MAPK8IP1: variants seen among roughly 807,000 people sequenced by gnomAD.
MAPK8IP1 encodes mitogen-activated protein kinase 8 interacting protein 1.
A neutral mutation model predicts 72.6 loss-of-function variants in MAPK8IP1; 17 were observed. That is an observed-to-expected ratio of 0.23 (90% CI 0.16 to 0.35). The LOEUF (loss-of-function observed/expected upper bound fraction) is 0.35, where lower values mean the gene tolerates loss of function less well. MAPK8IP1 is among the 10% of genes least tolerant of loss of function. The probability of loss-of-function intolerance (pLI) is 1.00; values close to 1 mark genes in which losing one functional copy is unlikely to be tolerated. For synonymous variants in MAPK8IP1, 401 were observed against 443.4 expected (o/e 0.90, Z 1.20); for missense variants, 789 against 1,009.7 (o/e 0.78, Z 2.96).
chr11:45,900,378 C>G lies in MAPK8IP1; in HGVS notation c.448C>G (p.Pro150Ala). ...CCAGAGCCAAGGCCAGAGCCAGGGCCCGGGCAGCGGGGACACGTACCGGCC... is the reference window on the plus strand; with the variant it reads ...CCAGAGCCAAGGCCAGAGCCAGGGCGCGGGCAGCGGGGACACGTACCGGCC... ...QGQSQGQSQG[P>A]GSGDTYRPKR... Residue 150 changes from proline to alanine, a missense_variant, in exon 3 of 12, where the codon CCG becomes GCG. Physicochemically the swap from Pro to Ala is conservative, Grantham distance 27 (BLOSUM62 -1). Coordinates refer to ENST00000241014, the MANE Select transcript of MAPK8IP1 (RefSeq NM_005456.4). This position sits in a 1 kb window ranked among gnomAD's most constrained non-coding sequence, Gnocchi z 6.5. 6.6e-7 allele frequency: 1 copy of G among 1,524,706 alleles called. No homozygotes were observed. Among genetic ancestry groups the G allele is most frequent in the Non-Finnish European group, 8.8e-7 (1 of 1,142,630 alleles). The allele number at this position is 1,524,706 out of a possible 1,614,324, so 94.4% of individuals were successfully genotyped here.
At position 45,902,006 on chromosome 11, in the gene MAPK8IP1, C is replaced by A. The variant is rs1049289432; in HGVS notation, c.549C>A (p.Gly183=). The A allele has an allele frequency of 4.3e-6, 7 of 1,613,966 alleles. No individual in the cohort carries two copies. Among genetic ancestry groups the A allele is most frequent in the African/African-American group, 1.3e-5 (1 of 74,898 alleles). Residue 183 remains glycine (G), a synonymous_variant, in exon 4 of 12, where the codon GGC becomes GGA. Transcript: ENST00000241014. The surrounding 1 kb of genome is among the most constrained non-coding windows in gnomAD (Gnocchi z 9.3). ...SQDTLNNNSL[G]KKHSWQDRVS... Reference sequence around the variant, plus strand: ...ACACACTGAATAATAATTCTCTGGGCAAAAAGCACAGTTGGCAGGATCGGG... The same window carrying A: ...ACACACTGAATAATAATTCTCTGGGAAAAAAGCACAGTTGGCAGGATCGGG...
intron 1 of MAPK8IP1, among the ~76,000 whole-genome samples, chr11:45,897,345 G>T (rs978951224): frequency 3.3e-5 from 5 of 152,122 alleles, no homozygotes; most frequent in Admixed American, 3.3e-4. Flanking sequence ...TAGTGGAGCT[G>T]GTTAGTATTC....
rs1305593129 is a variant in MAPK8IP1 at position 45,902,488 on chromosome 11, A to C, written c.721A>C (p.Thr241Pro). Residue 241 changes from threonine (T) to proline (P), a missense_variant, in exon 5 of 12, where the codon ACA becomes CCA. By Grantham distance (38) the Thr-to-Pro change is conservative. This residue lies in a region of MAPK8IP1 where 377 missense variants were observed against 411.7 expected (regional missense o/e 0.92). Transcript: ENST00000241014. This position sits in a 1 kb window ranked among gnomAD's most constrained non-coding sequence, Gnocchi z 9.3. ...TSTDSPCRRS[T>P]ATQMAPPGGP... ...CACCGACAGCCCTTGCCGCCGCAGC[A>C]CAGCCACCCAGATGGCACCTCCGGG... 3.1e-6 allele frequency: 5 copies of C among 1,606,408 alleles called. No individual in the cohort carries two copies. Among genetic ancestry groups the C allele is most frequent in the Non-Finnish European group, 3.4e-6 (4 of 1,177,356 alleles).
Position 45,898,200 on chromosome 11 carries a change from A to G in MAPK8IP1, c.207+10A>G. On this transcript the variant is annotated intron_variant, in intron 2 of 11. Transcript: ENST00000241014. ...CACCCTGTCCTTACGGGTAAGGGCA[A>G]GCTCCCAGGAGCTCCTGAGTGGGGT... 1 of 1,576,852 alleles carries G rather than the reference A, an allele frequency of 6.3e-7. No homozygotes were observed. Among genetic ancestry groups the G allele is most frequent in the Non-Finnish European group, 8.7e-7 (1 of 1,147,444 alleles).
intron 1 of MAPK8IP1, among the ~76,000 whole-genome samples, chr11:45,888,996 A>G (rs1294555022): frequency 6.6e-6 from 1 of 152,190 alleles, no homozygotes; most frequent in Non-Finnish European, 1.5e-5. Flanking sequence ...CACCACGCCC[A>G]GTGTCATACT....
intron 3 of MAPK8IP1, 109 bp from the exon 4 acceptor site, chr11:45,901,871 G>A (rs2086655566): frequency 8.4e-6 from 7 of 836,922 alleles, no homozygotes; most frequent in Admixed American, 3.4e-5. Context: ...GAGGCGGGGT[G>A]GACACAGCAA....
chr11:45,900,355 A>C lies in MAPK8IP1; in HGVS notation c.425A>C (p.Gln142Pro). 6.7e-7 allele frequency: 1 copy of C among 1,501,878 alleles called. No individual in the cohort carries two copies. The allele number at this position is 1,501,878 out of a possible 1,614,324, so 93.0% of individuals were successfully genotyped here. ...GQEPASRGQG[Q>P]SQGQSQGPGS... is the part of the protein sequence containing the mutation. The stretch of plus-strand genomic sequence containing the variant: ...GAGCCGGCGTCCCGCGGCCAGGGCC[A>C]GAGCCAAGGCCAGAGCCAGGGCCCG... The change falls in exon 3 of 12, where the codon CAG (glutamine) becomes CCG (proline). Residue 142 changes from glutamine to proline, a missense_variant. Transcript: ENST00000241014. This position sits in a 1 kb window ranked among gnomAD's most constrained non-coding sequence, Gnocchi z 6.5.
At position 45,903,096 on chromosome 11, in the gene MAPK8IP1, C is replaced by G. The variant is rs2086670243; in HGVS notation, c.1329C>G (p.Leu443=). 1.2e-6 allele frequency: 2 copies of G among 1,611,392 alleles called. No individual in the cohort carries two copies. The highest frequency in any genetic ancestry group is 1.3e-5 in the African/African-American group (1 of 74,880). Residue 443 remains leucine (L), a synonymous_variant, in exon 5 of 12, where the codon CTC becomes CTG. Transcript: ENST00000241014. This position sits in a 1 kb window ranked among gnomAD's most constrained non-coding sequence, Gnocchi z 6.4. ...CGCGGCCCCAGCCCCCTGCCTGCCTCTCCGAGGACTCCACGCCTGATGAAC... is the reference window on the plus strand; with the variant it reads ...CGCGGCCCCAGCCCCCTGCCTGCCTGTCCGAGGACTCCACGCCTGATGAAC... ...EAPRPQPPAC[L]SEDSTPDEPD...
chr11:45,905,665 T>C lies in MAPK8IP1; in HGVS notation c.2080T>C (p.Phe694Leu), dbSNP rs1292481792. ...GGCTTCTAGGAGAGCATTCCAGCAG[T>C]TCTACAAGCAGTTTGTGGAGTACAC... ...AESVGRAFQQFYKQFVEYTCP... is the reference protein window; with the variant it reads ...AESVGRAFQQLYKQFVEYTCP... The change falls in exon 12 of 12, where the codon TTC becomes CTC. Residue 694 changes from phenylalanine (F) to leucine (L), a missense_variant. By Grantham distance (22) the Phe-to-Leu change is conservative. Around this residue, in one of 4 missense-constraint regions of MAPK8IP1, gnomAD observed 188 missense variants for 293.3 expected, o/e 0.64. Coordinates refer to ENST00000241014, the MANE Select transcript of MAPK8IP1 (RefSeq NM_005456.4). 6.2e-7 allele frequency: 1 copy of C among 1,613,902 alleles called. No homozygotes were observed. The highest frequency in any genetic ancestry group is 1.7e-5 in the Admixed American group (1 of 60,026).
Position 45,905,953 on chromosome 11 carries a change from G to A in MAPK8IP1, c.*232G>A. 5.0e-6 allele frequency: 3 copies of A among 595,818 alleles called. No individual in the cohort carries two copies. The highest frequency in any genetic ancestry group is 9.0e-6 in the Non-Finnish European group (3 of 332,208). 36.9% of individuals were successfully genotyped at this position (595,818 alleles called of 1,614,324 possible). On this transcript the variant is annotated 3_prime_UTR_variant, in exon 12 of 12. Coordinates refer to ENST00000241014, the MANE Select transcript of MAPK8IP1 (RefSeq NM_005456.4). ...TATGGAGGGCAGAGTGGGCTGCCTG[G>A]GGATTGGGAGGGACAGGGCTTGGGG...
rs201933479 is a variant in MAPK8IP1, at chr11:45,902,510, C to G, written c.743C>G (p.Pro248Arg). The G allele has an allele frequency of 6.2e-7, 1 of 1,609,694 alleles. No homozygotes were observed. Among genetic ancestry groups the G allele is most frequent in the Non-Finnish European group, 8.5e-7 (1 of 1,178,668 alleles). Residue 248 changes from proline to arginine, a missense_variant, in exon 5 of 12, where the codon CCG becomes CGG. Physicochemically the swap from Pro to Arg is moderately radical, Grantham distance 103. Around this residue, in one of 4 missense-constraint regions of MAPK8IP1, gnomAD observed 377 missense variants for 411.7 expected, o/e 0.92. Transcript: ENST00000241014. This position sits in a 1 kb window ranked among gnomAD's most constrained non-coding sequence, Gnocchi z 9.3. Reference protein sequence around the residue: ...RRSTATQMAPPGGPPAAPPGG... With the variant: ...RRSTATQMAPRGGPPAAPPGG... ...AGCACAGCCACCCAGATGGCACCTCCGGGTGGTCCCCCTGCTGCCCCGCCT... is the reference window on the plus strand; with the variant it reads ...AGCACAGCCACCCAGATGGCACCTCGGGGTGGTCCCCCTGCTGCCCCGCCT...
intron 1 of MAPK8IP1, among the ~76,000 whole-genome samples, chr11:45,894,225 G>T (rs2086586802): frequency 6.6e-6 from 1 of 152,200 alleles, no homozygotes; most frequent in South Asian, 2.1e-4. Flanking sequence ...TGAGGATTAA[G>T]AGAGATGCAT....
chr11:45,895,632 AAAT>A (rs1226310982), intron 1 of MAPK8IP1, among the ~76,000 whole-genome samples: 131 of 28,594 alleles, frequency 4.6e-3, no homozygotes, highest in East Asian at 0.042. Context: ...AAAAAAAAAA[AAAT>A]ATATATATAT....
At chr11:45,890,461 C>T (rs12281069) in intron 1 of MAPK8IP1, among the ~76,000 whole-genome samples, 10,942 of 152,238 alleles carry the variant, frequency 0.072, 738 homozygotes, top group African/African-American at 0.16. Flanking sequence ...CATTCAGAGC[C>T]ATCCTGGGGC....
At chr11:45,896,415 A>C in intron 1 of MAPK8IP1, 1 of 582,034 alleles carries the variant, frequency 1.7e-6, no homozygotes, top group Non-Finnish European at 2.2e-6. Flanking sequence ...CTGGCCCTTT[A>C]AAGCCAACCA....
At position 45,896,938 on chromosome 11, in the gene MAPK8IP1, A is replaced by C. The variant is rs1258456365; in HGVS notation, c.102-1147A>C. ...GACAATGACAGCTGGTTGGAGGATC[A>C]ATGGGAGCGCTGGTAGGGGCTACCG... On this transcript the variant is annotated intron_variant, in intron 1 of 11. Transcript: ENST00000241014. 3 of 1,573,896 alleles carry C rather than the reference A, an allele frequency of 1.9e-6. No individual in the cohort carries two copies. The African/African-American group carries it at 4.0e-5, about 21-fold the overall frequency.
intron 1 of MAPK8IP1, 88 bp from the exon 2 acceptor site, chr11:45,897,997 A>C: frequency 1.2e-6 from 1 of 802,342 alleles, no homozygotes; most frequent in African/African-American, 1.7e-5. Context: ...TTTGGCCTTC[A>C]AGAGGCTGCA....
In MAPK8IP1 at chr11:45,902,121, C is replaced by T. The variant is rs769026889; in HGVS notation, c.604+60C>T. 64 of 1,438,924 alleles carry T rather than the reference C, an allele frequency of 4.4e-5. No individual in the cohort carries two copies. Among genetic ancestry groups the T allele is most frequent in the South Asian group, 2.6e-4 (23 of 87,620 alleles). The allele number at this position is 1,438,924 out of a possible 1,614,324, so 89.1% of individuals were successfully genotyped here. ...GCCTGCCCTGACTCAGTCCCCACTACAGAGAGCAAACCCTACAGTCTCCAA... is the reference window on the plus strand; with the variant it reads ...GCCTGCCCTGACTCAGTCCCCACTATAGAGAGCAAACCCTACAGTCTCCAA... On this transcript the variant is annotated intron_variant, in intron 4 of 11. Coordinates refer to ENST00000241014, the MANE Select transcript of MAPK8IP1 (RefSeq NM_005456.4). The surrounding 1 kb of genome is among the most constrained non-coding windows in gnomAD (Gnocchi z 9.3).
In MAPK8IP1 at chr11:45,905,599, C is replaced by T. The variant is rs1479257020; in HGVS notation, c.2064-50C>T. On this transcript the variant is annotated intron_variant, in intron 11 of 11. Coordinates refer to ENST00000241014, the MANE Select transcript of MAPK8IP1 (RefSeq NM_005456.4). ...AAAACCCTGGGTCGGGATCCTGTTC[C>T]TCCCTTGCCAGTGGCGATCTGAGCC... 4 of 1,529,308 alleles carry T rather than the reference C, an allele frequency of 2.6e-6. No homozygotes were observed. The African/African-American group carries it at 4.1e-5, about 16-fold the overall frequency. The allele number at this position is 1,529,308 out of a possible 1,614,324, so 94.7% of individuals were successfully genotyped here. A position where few individuals can be genotyped will look rare whatever the true frequency, so the allele number is the denominator to read the frequency against.
Sources: allele counts gnomAD v4.1 joint callset (sites outside exome capture counted in the v4.1 genomes callset), GRCh38; gene constraint gnomAD v4.1.1; regional missense constraint gnomAD v4.1.1; non-coding constraint Gnocchi (gnomAD v3.1); transcripts MANE v1.5; gene names NCBI Gene and HGNC (gene_info 2026-07-23, HGNC 2026-07-21).